Variants in SLC30A8 observed in about 807,000 individuals in gnomAD.
SLC30A8 encodes proton-coupled zinc antiporter SLC30A8.
A neutral mutation model predicts 36.9 loss-of-function variants in SLC30A8; 27 were observed. The observed-to-expected ratio is 0.73, with a 90% CI of 0.54 to 1.01. SLC30A8 has a LOEUF of 1.01. Ranked by LOEUF, SLC30A8 falls within the 50% of genes least tolerant of loss-of-function variation. SLC30A8 has a pLI of 0.00. For synonymous variants in SLC30A8, 164 were observed against 172.4 expected (o/e 0.95, Z 0.38); for missense variants, 439 against 452.0 (o/e 0.97, Z 0.26).
At chr8:117,145,322 C>G (rs982857840) in intron 1 of SLC30A8, among the ~76,000 whole-genome samples, 3 of 151,798 alleles carry the variant, frequency 2.0e-5, no homozygotes, top group Admixed American at 2.0e-4. Context: ...ATAATTGTCT[C>G]TTGGAGAGGA....
chr8:117,168,128 G>A (rs1429446406), intron 6 of SLC30A8, among the ~76,000 whole-genome samples: 2 of 152,056 alleles, frequency 1.3e-5, no homozygotes, highest in Admixed American at 6.5e-5. Flanking sequence ...CCCTTGACAC[G>A]TGGGGATCAT....
chr8:117,146,497 G>A (rs1312139234), intron 1 of SLC30A8, among the ~76,000 whole-genome samples: 3 of 152,128 alleles, frequency 2.0e-5, no homozygotes, highest in Non-Finnish European at 4.4e-5. Flanking sequence ...GACTCAGCAG[G>A]AAACAGTGCT....
At chr8:117,047,596 T>C (rs989019511) in intron 2 of SLC30A8, among the ~76,000 whole-genome samples, 4 of 152,116 alleles carry the variant, frequency 2.6e-5, no homozygotes, top group Admixed American at 1.3e-4. Context: ...TTCTAACCTT[T>C]ACAGCTGAGA....
chr8:117,051,244 G>C (rs1300959912), intron 2 of SLC30A8, among the ~76,000 whole-genome samples: 1 of 152,190 alleles, frequency 6.6e-6, no homozygotes, highest in East Asian at 1.9e-4. Flanking sequence ...ATCCTCTAGG[G>C]AGTGTGTTTG....
At chr8:117,079,478 C>T (rs1818593729) in intron 2 of SLC30A8, among the ~76,000 whole-genome samples, 1 of 152,114 alleles carries the variant, frequency 6.6e-6, no homozygotes. Context: ...AGAACTCTAG[C>T]AGTGACGTTT....
Position 117,156,133 on chromosome 8 carries a change from C to T in SLC30A8, c.419-1558C>T, listed in dbSNP as rs142841330. Among the ~76,000 whole-genome samples the T allele has an allele frequency of 2.6e-4, 40 of 152,040 alleles. No homozygotes were observed. The East Asian group carries it at 6.4e-3, about 24-fold the overall frequency. On this transcript the variant is annotated intron_variant, in intron 3 of 7. Transcript: ENST00000456015. ...TGGCCCATTGCAACCTCCACCTCCC[C>T]GGTTCAAGCAATTCCCCTGCCTCAA...
intron 1 of SLC30A8, among the ~76,000 whole-genome samples, chr8:116,967,017 G>A (rs1814620943): frequency 6.6e-6 from 1 of 152,180 alleles, no homozygotes; most frequent in African/African-American, 2.4e-5. Flanking sequence ...TGACTTTTCA[G>A]CTGCTTCTTT....
At chr8:117,058,957 C>T (rs773481277) in intron 2 of SLC30A8, among the ~76,000 whole-genome samples, 1 of 152,144 alleles carries the variant, frequency 6.6e-6, no homozygotes, top group Non-Finnish European at 1.5e-5. Context: ...ATGTTCTGAT[C>T]CCTCCACCAT....
At chr8:117,002,143 G>A (rs529664004) in intron 1 of SLC30A8, among the ~76,000 whole-genome samples, 7 of 152,310 alleles carry the variant, frequency 4.6e-5, no homozygotes, top group African/African-American at 1.7e-4. Flanking sequence ...ATTACTAGAA[G>A]TTTGTTTATG....
At chr8:117,120,480 A>G (rs1248086934) in intron 2 of SLC30A8, among the ~76,000 whole-genome samples, 3 of 151,986 alleles carry the variant, frequency 2.0e-5, no homozygotes, top group Non-Finnish European at 4.4e-5. Flanking sequence ...AATGGGTTAA[A>G]GATGTAAACA....
intron 1 of SLC30A8, among the ~76,000 whole-genome samples, chr8:117,037,062 G>T (rs1411501998): frequency 2.6e-5 from 4 of 152,122 alleles, no homozygotes; most frequent in African/African-American, 9.6e-5. Flanking sequence ...AGGCTTTGTA[G>T]GTATAACCTT....
chr8:117,099,462 A>G (rs1819614628), intron 2 of SLC30A8, among the ~76,000 whole-genome samples: 1 of 152,190 alleles, frequency 6.6e-6, no homozygotes, highest in Admixed American at 6.5e-5. Flanking sequence ...TAAGAAATAG[A>G]CATTTTAGTT....
Position 116,982,243 on chromosome 8 carries a change from A to G in SLC30A8, c.-266+31124A>G, listed in dbSNP as rs575956449. On this transcript the variant is annotated intron_variant, in intron 1 of 10. Coordinates refer to the SLC30A8 transcript ENST00000427715. ...ACTGAAAAAAATCTTCACTGTAAAC[A>G]TTTAGGTTGTTTCCAGTTTTTTTTT... Among the ~76,000 whole-genome samples, 7 of 150,820 alleles carry G rather than the reference A, an allele frequency of 4.6e-5. No individual in the cohort carries two copies. In the South Asian group the frequency reaches 1.5e-3, roughly 31 times the overall value.
At chr8:116,988,409 C>T (rs923374232) in intron 1 of SLC30A8, among the ~76,000 whole-genome samples, 19 of 152,164 alleles carry the variant, frequency 1.2e-4, no homozygotes, top group Admixed American at 5.9e-4. Context: ...ATGGACAACT[C>T]CTTTTCCTCT....
chr8:117,175,594 C>T lies in SLC30A8; in HGVS notation c.*2913C>T, dbSNP rs1381769067. 1 of 152,078 alleles carries T rather than the reference C, an allele frequency of 6.6e-6. No individual in the cohort carries two copies. The highest frequency in any genetic ancestry group is 1.5e-5 in the Non-Finnish European group (1 of 68,010). The allele number at this position is 152,078 out of a possible 1,614,324, so 9.4% of individuals were successfully genotyped here. A position where few individuals can be genotyped will look rare whatever the true frequency, so the allele number is the denominator to read the frequency against. On this transcript the variant is annotated 3_prime_UTR_variant, in exon 8 of 8. Coordinates refer to ENST00000456015, the MANE Select transcript of SLC30A8 (RefSeq NM_173851.3). ...CTCTATTTCCTGATCAGTGAAACCT[C>T]CCTATTCAAATGTGTGAGAGTTTAA...
intron 1 of SLC30A8, among the ~76,000 whole-genome samples, chr8:116,972,028 A>G (rs1008303205): frequency 1.3e-5 from 2 of 152,240 alleles, no homozygotes; most frequent in African/African-American, 2.4e-5. Context: ...AAAGAAACCT[A>G]GTGAAAAACT....
chr8:117,084,695 G>C (rs1203229022), intron 2 of SLC30A8, among the ~76,000 whole-genome samples: 1 of 152,016 alleles, frequency 6.6e-6, no homozygotes, highest in Non-Finnish European at 1.5e-5. Context: ...TAAGTGGGTG[G>C]GGAAGCTCAA....
At chr8:117,165,671 T>C (rs1317152385) in intron 6 of SLC30A8, among the ~76,000 whole-genome samples, 1 of 152,134 alleles carries the variant, frequency 6.6e-6, no homozygotes, top group Non-Finnish European at 1.5e-5. Context: ...GCCAAGGCAA[T>C]AAATAACCAG....
chr8:117,116,673 C>A (rs1820459265), intron 2 of SLC30A8, among the ~76,000 whole-genome samples: 2 of 152,004 alleles, frequency 1.3e-5, no homozygotes, highest in Non-Finnish European at 2.9e-5. Flanking sequence ...TGGTAGGTAA[C>A]CTGTCTGTCC....
Sources: allele counts gnomAD v4.1 joint callset (sites outside exome capture counted in the v4.1 genomes callset), GRCh38; gene constraint gnomAD v4.1.1; transcripts MANE v1.5; gene names NCBI Gene and HGNC (gene_info 2026-07-23, HGNC 2026-07-21).